The following DLGAP2 variants were observed in gnomAD, a reference collection of about 807,000 sequenced individuals.
The protein encoded by DLGAP2 is disks large-associated protein 2.
A neutral mutation model predicts 100.3 loss-of-function variants in DLGAP2; 26 were observed. That is an observed-to-expected ratio of 0.26 (90% CI 0.19 to 0.36). DLGAP2 has a LOEUF of 0.36. DLGAP2 is among the 10% of genes least tolerant of loss of function. The probability of loss-of-function intolerance (pLI) is 1.00; values close to 1 mark genes in which losing one functional copy is unlikely to be tolerated. For missense variants in DLGAP2, 1,858 were observed against 1,453.2 expected, an observed-to-expected ratio of 1.28 and a Z score of -4.53; for synonymous variants, 886 against 630.1, an observed-to-expected ratio of 1.41 and a Z score of -6.08.
intron 3 of DLGAP2, among the ~76,000 whole-genome samples, chr8:1,330,190 G>C (rs1456763383): frequency 2.0e-5 from 3 of 152,196 alleles, no homozygotes; most frequent in Admixed American, 2.0e-4. Flanking sequence ...CTGACGCCCA[G>C]GGACTGAGTT....
At chr8:834,299 G>A (rs1297438762) in intron 1 of DLGAP2, among the ~76,000 whole-genome samples, 1 of 152,202 alleles carries the variant, frequency 6.6e-6, no homozygotes, top group African/African-American at 2.4e-5. Flanking sequence ...CCAGCGTGTG[G>A]CTGTTTTAAT....
At chr8:1,379,275 G>A (rs569887987) in intron 3 of DLGAP2, among the ~76,000 whole-genome samples, 2 of 152,362 alleles carry the variant, frequency 1.3e-5, no homozygotes, top group East Asian at 1.9e-4. Context: ...AGGCCCGAGG[G>A]CCACATCTTC....
At chr8:980,371 C>T (rs1800294730) in intron 2 of DLGAP2, among the ~76,000 whole-genome samples, 1 of 152,174 alleles carries the variant, frequency 6.6e-6, no homozygotes, top group Non-Finnish European at 1.5e-5. Context: ...TGCAAAAGCT[C>T]AGCAGTGCGT....
chr8:1,126,477 A>G (rs1796168164), intron 2 of DLGAP2, among the ~76,000 whole-genome samples: 1 of 150,488 alleles, frequency 6.6e-6, no homozygotes, highest in African/African-American at 2.5e-5. Context: ...GAGGGAGGCA[A>G]GGCAGGTGAG....
At chr8:915,350 G>T (rs543956539) in intron 2 of DLGAP2, among the ~76,000 whole-genome samples, 1 of 151,998 alleles carries the variant, frequency 6.6e-6, no homozygotes, top group African/African-American at 2.4e-5. Flanking sequence ...GATCGGGACC[G>T]TCCTGGCTAA....
intron 2 of DLGAP2, among the ~76,000 whole-genome samples, chr8:1,174,771 T>G (rs537236625): frequency 1.2e-4 from 19 of 152,030 alleles, no homozygotes; most frequent in African/African-American, 4.6e-4. Context: ...CTATCATCAT[T>G]GTCATCATCA....
intron 8 of DLGAP2, among the ~76,000 whole-genome samples, chr8:1,640,051 G>A (rs184465327): frequency 4.7e-4 from 71 of 152,344 alleles, no homozygotes; most frequent in Non-Finnish European, 8.7e-4. Context: ...GTTTACCATA[G>A]TAGGTTTTGG....
chr8:1,057,215 G>A (rs1434062297), intron 2 of DLGAP2, among the ~76,000 whole-genome samples: 3 of 152,194 alleles, frequency 2.0e-5, no homozygotes, highest in African/African-American at 7.2e-5. Flanking sequence ...ACTACACGTA[G>A]AAGTTAGCTG....
intron 2 of DLGAP2, among the ~76,000 whole-genome samples, chr8:983,047 A>G (rs1198074127): frequency 2.0e-5 from 3 of 152,174 alleles, no homozygotes; most frequent in African/African-American, 4.8e-5. Flanking sequence ...AAGAGCTACT[A>G]TTCACTTTTC....
intron 4 of DLGAP2, among the ~76,000 whole-genome samples, chr8:1,548,376 T>C (rs1310227332): frequency 6.8e-6 from 1 of 147,172 alleles, no homozygotes; most frequent in Non-Finnish European, 1.5e-5. Flanking sequence ...GGAGAATCGC[T>C]TGAACCCGGG....
intron 1 of DLGAP2, among the ~76,000 whole-genome samples, chr8:802,884 G>A (rs1796199208): frequency 6.6e-6 from 1 of 152,192 alleles, no homozygotes; most frequent in African/African-American, 2.4e-5. Flanking sequence ...CGAGCAGAGT[G>A]GACAGTGCTG....
At chr8:1,366,003 A>G (rs1033690536) in intron 3 of DLGAP2, among the ~76,000 whole-genome samples, 27 of 152,346 alleles carry the variant, frequency 1.8e-4, no homozygotes, top group Middle Eastern at 3.4e-3. Flanking sequence ...CCCTCACGGC[A>G]CCGTCCAGCC....
intron 3 of DLGAP2, among the ~76,000 whole-genome samples, chr8:1,435,394 G>A (rs1004873985): frequency 2.0e-5 from 3 of 152,112 alleles, no homozygotes; most frequent in Non-Finnish European, 2.9e-5. Flanking sequence ...CAGGTGCAGC[G>A]GTGGCCCTGT....
chr8:1,422,154 G>A (rs543718335), intron 3 of DLGAP2, among the ~76,000 whole-genome samples: 2 of 152,296 alleles, frequency 1.3e-5, no homozygotes, highest in South Asian at 2.1e-4. Context: ...GGACCACATG[G>A]CTGAGTCGCG....
chr8:1,278,877 C>T (rs895480459), intron 3 of DLGAP2, among the ~76,000 whole-genome samples: 2 of 152,130 alleles, frequency 1.3e-5, no homozygotes, highest in African/African-American at 4.8e-5. Context: ...ACTTTTTGGA[C>T]AATTTAATGT....
intron 6 of DLGAP2, among the ~76,000 whole-genome samples, chr8:1,615,765 A>G (rs1164027393): frequency 2.0e-5 from 3 of 151,984 alleles, no homozygotes; most frequent in East Asian, 1.9e-4. Context: ...TAAAGCAGCC[A>G]TTGTAAGGTC....
intron 2 of DLGAP2, among the ~76,000 whole-genome samples, chr8:1,210,128 T>A (rs1240045096): frequency 6.6e-6 from 1 of 152,066 alleles, no homozygotes; most frequent in East Asian, 1.9e-4. Context: ...TGGTGTTTAG[T>A]GGTGGCCAGA....
intron 2 of DLGAP2, among the ~76,000 whole-genome samples, chr8:1,135,467 T>A (rs1356655184): frequency 6.6e-6 from 1 of 151,100 alleles, no homozygotes; most frequent in Non-Finnish European, 1.5e-5. Context: ...TACTTAGAGA[T>A]TTCTCACCTT....
intron 2 of DLGAP2, among the ~76,000 whole-genome samples, chr8:961,103 A>G (rs1322041325): frequency 2.0e-5 from 3 of 152,218 alleles, no homozygotes; most frequent in Non-Finnish European, 4.4e-5. Flanking sequence ...GACGTTGTAC[A>G]TATTCCATTA....
Sources: allele counts gnomAD v4.1 joint callset (sites outside exome capture counted in the v4.1 genomes callset), GRCh38; gene constraint gnomAD v4.1.1; transcripts MANE v1.5; gene names NCBI Gene and HGNC (gene_info 2026-07-23, HGNC 2026-07-21).